Variants in LMNB1 observed in about 807,000 individuals in gnomAD.
The protein encoded by LMNB1 is lamin B1.
In LMNB1, 23 loss-of-function variants were observed where a neutral mutation model predicts 67.1. That is an observed-to-expected ratio of 0.34 (90% confidence interval 0.25 to 0.49). The LOEUF is 0.49. LMNB1 is among the 20% of genes least tolerant of loss of function. LMNB1 has a pLI of 0.99. For synonymous variants in LMNB1, 281 were observed against 282.9 expected (o/e 0.99, Z 0.07); for missense variants, 634 against 746.5 (o/e 0.85, Z 1.76).
intron 1 of LMNB1, among the ~76,000 whole-genome samples, chr5:126,788,696 T>A (rs752130573): frequency 2.0e-5 from 3 of 152,116 alleles, no homozygotes; most frequent in African/African-American, 7.2e-5. Context: ...AAGGGTTTTT[T>A]GTTTGATGAA....
intron 9 of LMNB1, among the ~76,000 whole-genome samples, chr5:126,827,413 A>G (rs1752021941): frequency 6.6e-6 from 1 of 152,196 alleles, no homozygotes; most frequent in Non-Finnish European, 1.5e-5. Flanking sequence ...TAATCCCAGC[A>G]CTTTGGGAGG....
chr5:126,818,035 A>G (rs2126725832), intron 5 of LMNB1, among the ~76,000 whole-genome samples: 1 of 152,284 alleles, frequency 6.6e-6, no homozygotes, highest in South Asian at 2.1e-4. Context: ...ATTCACAGTA[A>G]TACTTTACAA....
At chr5:126,778,554 T>C (rs1412917240) in intron 1 of LMNB1, among the ~76,000 whole-genome samples, 1 of 152,212 alleles carries the variant, frequency 6.6e-6, no homozygotes, top group Non-Finnish European at 1.5e-5. Context: ...TTAGGTTTGC[T>C]AGCTGGTTAG....
chr5:126,787,546 A>ATATATGTATGTTTTTTTTTTTTTT, intron 1 of LMNB1, among the ~76,000 whole-genome samples: 1 of 65,584 alleles, frequency 1.5e-5, no homozygotes, highest in Non-Finnish European at 2.7e-5. Context: ...ATATATATAT[A>ATATATGTATGTTTTTTTTTTTTTT]TTTTTTTTTT....
chr5:126,780,645 C>T (rs1050151536), intron 1 of LMNB1, among the ~76,000 whole-genome samples: 32 of 152,118 alleles, frequency 2.1e-4, no homozygotes, highest in Admixed American at 1.3e-3. Context: ...GTTGACAGTA[C>T]CTATTCTCTG....
rs145444964 is a variant in LMNB1 at position 126,789,855 on chromosome 5, A to G, written c.359+11988A>G. Among the ~76,000 whole-genome samples, 144 of 152,114 alleles carry G rather than the reference A, an allele frequency of 9.5e-4. 2 individuals carry two copies. The highest frequency in any genetic ancestry group is 3.2e-3 in the African/African-American group (134 of 41,520). ...AGCCCGACTAATTTTTTGTATTTTT[A>G]GTAGAGATGGGGTTTCACCGTGTTG... On this transcript the variant is annotated intron_variant, in intron 1 of 10. Coordinates refer to ENST00000261366, the MANE Select transcript of LMNB1 (RefSeq NM_005573.4).
rs1383602769 is a variant in LMNB1, at chr5:126,836,948, T to G, written c.*684T>G. ...TCTCTATTAAAATGCATTCGTTGTG[T>G]TTTTTAAGATAGTGTAACTTGCTTA... On this transcript the variant is annotated 3_prime_UTR_variant, in exon 11 of 11. Coordinates refer to ENST00000261366, the MANE Select transcript of LMNB1 (RefSeq NM_005573.4). 1 of 398,162 alleles carries G rather than the reference T, an allele frequency of 2.5e-6. No individual in the cohort carries two copies. The highest frequency in any genetic ancestry group is 4.4e-6 in the Non-Finnish European group (1 of 225,906). 24.7% of individuals were successfully genotyped at this position (398,162 alleles called of 1,614,324 possible).
At chr5:126,793,888 A>G (rs1751026293) in intron 1 of LMNB1, among the ~76,000 whole-genome samples, 4 of 149,974 alleles carry the variant, frequency 2.7e-5, no homozygotes, top group Admixed American at 2.6e-4. Context: ...AAAAAGAAAG[A>G]AAGAAAGAAA....
intron 10 of LMNB1, among the ~76,000 whole-genome samples, chr5:126,835,693 C>T (rs1752232893): frequency 6.6e-6 from 1 of 152,154 alleles, no homozygotes; most frequent in African/African-American, 2.4e-5. Context: ...GGACCTAGAT[C>T]AGAATTTGTT....
At chr5:126,817,551 G>T (rs1320080773) in intron 5 of LMNB1, among the ~76,000 whole-genome samples, 2 of 152,120 alleles carry the variant, frequency 1.3e-5, no homozygotes, top group Non-Finnish European at 1.5e-5. Flanking sequence ...TCTCTGACTT[G>T]AATCTAGTAG....
rs537545476 is a variant in LMNB1 at position 126,791,777 on chromosome 5, C to T, written c.360-12999C>T. On this transcript the variant is annotated intron_variant, in intron 1 of 10. Coordinates refer to ENST00000261366, the MANE Select transcript of LMNB1 (RefSeq NM_005573.4). ...CCATCATGCCTAGCCTTTTTTATTC[C>T]CTTGATGTCTCTTTTTTTGTTTTTG... is the stretch of plus-strand genomic sequence containing the variant. Among the ~76,000 whole-genome samples the T allele has an allele frequency of 8.1e-5, 12 of 147,600 alleles. No homozygotes were observed. In the South Asian group the frequency reaches 2.6e-3, roughly 32 times the overall value.
At chr5:126,796,786 C>CTTTTTTTTTTTTTTTT (rs34534973) in intron 1 of LMNB1, among the ~76,000 whole-genome samples, 5 of 118,744 alleles carry the variant, frequency 4.2e-5, no homozygotes, top group Non-Finnish European at 3.5e-5. Context: ...TTTTTTCTTT[C>CTTTTTTTTTTTTTTTT]TTTTTTTTTT....
chr5:126,811,457 G>T (rs1751575460), intron 4 of LMNB1, among the ~76,000 whole-genome samples: 1 of 152,188 alleles, frequency 6.6e-6, no homozygotes, highest in Admixed American at 6.5e-5. Flanking sequence ...CAGTCAAGTT[G>T]CTATTGCCCA....
chr5:126,815,551 C>T (rs1237161755), intron 5 of LMNB1, among the ~76,000 whole-genome samples: 1 of 152,120 alleles, frequency 6.6e-6, no homozygotes, highest in East Asian at 1.9e-4. Context: ...AGTACAATTA[C>T]ATTACATACT....
intron 5 of LMNB1, 52 bp downstream of exon 5, chr5:126,811,950 C>G: frequency 6.4e-7 from 1 of 1,568,376 alleles, no homozygotes; most frequent in Non-Finnish European, 8.7e-7. Context: ...ACCTTCACCA[C>G]GGGCACCTAC....
At chr5:126,782,166 T>G (rs570787772) in intron 1 of LMNB1, among the ~76,000 whole-genome samples, 57 of 152,336 alleles carry the variant, frequency 3.7e-4, no homozygotes, top group African/African-American at 1.3e-3. Context: ...AACAGAAAGT[T>G]AAGTGTTTAC....
intron 1 of LMNB1, among the ~76,000 whole-genome samples, chr5:126,803,486 G>A (rs527948179): frequency 2.0e-5 from 3 of 152,152 alleles, no homozygotes; most frequent in African/African-American, 7.2e-5. Flanking sequence ...AACATCAGGT[G>A]ATCCGCCCAC....
At chr5:126,778,902 A>G (rs1042644921) in intron 1 of LMNB1, among the ~76,000 whole-genome samples, 1 of 152,218 alleles carries the variant, frequency 6.6e-6, no homozygotes, top group Non-Finnish European at 1.5e-5. Context: ...TCCAGTGCAC[A>G]AGGATACATT....
At chr5:126,810,547 G>T (rs935203836) in intron 4 of LMNB1, among the ~76,000 whole-genome samples, 197 bp downstream of exon 4, 2 of 152,164 alleles carry the variant, frequency 1.3e-5, no homozygotes, top group Admixed American at 6.5e-5. Context: ...ATTACTAGAA[G>T]AATGTAGGGT....
Sources: gnomAD v4.1 joint callset for allele counts (sites outside exome capture counted in the v4.1 genomes callset) on GRCh38, gnomAD v4.1.1 for gene constraint, MANE v1.5 for transcripts, NCBI Gene and HGNC (gene_info 2026-07-23, HGNC 2026-07-21) for gene names.